EIF3D: variants seen among roughly 807,000 people sequenced by gnomAD.
EIF3D encodes the protein eIF3 p66.
In EIF3D, 10 loss-of-function variants were observed where a neutral mutation model predicts 75.4. The ratio of observed to expected loss-of-function variants is 0.13; its 90% CI spans 0.08 to 0.22. The LOEUF is 0.22. Among genes scored for constraint, EIF3D ranks in the 10% least tolerant of loss-of-function variants. The probability of loss-of-function intolerance (pLI) is 1.00; values close to 1 mark genes in which losing one functional copy is unlikely to be tolerated. For synonymous variants in EIF3D, 246 were observed against 248.3 expected, an observed-to-expected ratio of 0.99 and a Z score of 0.09; for missense variants, 394 against 708.0, an observed-to-expected ratio of 0.56 and a Z score of 5.03.
At chr22:36,526,297 T>C (rs1473727496) in intron 1 of EIF3D, among the ~76,000 whole-genome samples, 166 bp from the exon 2 acceptor site, 1 of 152,240 alleles carries the variant, frequency 6.6e-6, no homozygotes, top group African/African-American at 2.4e-5. Flanking sequence ...TTAATTATAC[T>C]GTGAATATGT....
intron 1 of EIF3D, among the ~76,000 whole-genome samples, chr22:36,526,519 TC>T (rs1216923661): frequency 1.3e-5 from 2 of 152,178 alleles, no homozygotes; most frequent in African/African-American, 4.8e-5. Flanking sequence ...TAATGTTTTT[TC>T]AAATATAGTA....
rs778498772 is a variant in EIF3D, at chr22:36,520,545, A to G, written c.578+31T>C. 6.9e-6 allele frequency: 10 copies of G among 1,456,720 alleles called. No individual in the cohort carries two copies. In the Admixed American group the frequency reaches 1.5e-4, roughly 22 times the overall value. The allele number at this position is 1,456,720 out of a possible 1,614,324, so 90.2% of individuals were successfully genotyped here. The stretch of plus-strand genomic sequence containing the variant: ...CCAGCTGGTCCACACACATAAGAGC[A>G]GTGTAGAAAGTAGTAAAAGATGCTG... On this transcript the variant is annotated intron_variant, in intron 7 of 14. Transcript: ENST00000216190.
Position 36,518,825 on chromosome 22 carries a change from TC to T in EIF3D, c.796del (p.Asp266IlefsTer24). 1 of 1,614,162 alleles carries T rather than the reference TC, an allele frequency of 6.2e-7. No individual in the cohort carries two copies. Among genetic ancestry groups the T allele is most frequent in the Non-Finnish European group, 8.5e-7 (1 of 1,180,040 alleles). ...GGACCCAACTCTCTGGACGACAATA[TC>T]CCAGGAATACACTGAGCGGGTACAG... ...MSCTRSVYSWDIVVQRVGSKL... is the reference protein window; with the variant it reads ...MSCTRSVYSWXIVVQRVGSKL... On this transcript the variant is annotated frameshift_variant, in exon 9 of 15. Coordinates refer to ENST00000216190, the MANE Select transcript of EIF3D (RefSeq NM_003753.4). LOFTEE classifies it high-confidence loss of function.
At chr22:36,521,495 C>T (rs1934511968) in intron 6 of EIF3D, among the ~76,000 whole-genome samples, 1 of 152,192 alleles carries the variant, frequency 6.6e-6, no homozygotes, top group South Asian at 2.1e-4. Flanking sequence ...CACACAAGCA[C>T]ACGCAGGTGA....
Position 36,511,676 on chromosome 22 carries a change from G to A in EIF3D, c.1460C>T (p.Ala487Val). ...ASQINLSVEN[A>V]WGILRCVIDI... ...AATGACGCAGCGTAAAATGCCCCAG[G>A]CATTCTCCACGCTCAGGTTGATCTG... Residue 487 changes from alanine (A) to valine (V), a missense_variant, in exon 14 of 15, where the codon GCC (alanine) becomes GTC (valine). Ala to Val is a moderately conservative substitution (Grantham distance 64, BLOSUM62 0). Transcript: ENST00000216190. 1 of 1,614,110 alleles carries A rather than the reference G, an allele frequency of 6.2e-7. No individual in the cohort carries two copies. The highest frequency in any genetic ancestry group is 2.2e-5 in the East Asian group (1 of 44,870).
chr22:36,523,363 G>A, intron 5 of EIF3D, 82 bp from the exon 6 acceptor site: 1 of 1,108,712 alleles, frequency 9.0e-7, no homozygotes, highest in Non-Finnish European at 1.3e-6. Flanking sequence ...ATTCTCTTCA[G>A]CTAAACCTTA....
At chr22:36,516,959 T>G (rs1934437410) in intron 10 of EIF3D, 169 bp from the exon 11 acceptor site, 3 of 646,434 alleles carry the variant, frequency 4.6e-6, no homozygotes, top group Non-Finnish European at 8.2e-6. Flanking sequence ...CCCTCCCAAC[T>G]GTTAGCACCT....
intron 5 of EIF3D, among the ~76,000 whole-genome samples, 160 bp downstream of exon 5, chr22:36,523,735 C>T (rs1274507312): frequency 6.6e-6 from 1 of 152,230 alleles, no homozygotes; most frequent in Admixed American, 6.5e-5. Context: ...ATGAACCAGC[C>T]TGAGAACGAC....
chr22:36,516,360 G>C lies in EIF3D; in HGVS notation c.1206+118C>G, dbSNP rs1934426533. 2.3e-6 allele frequency: 3 copies of C among 1,278,174 alleles called. No individual in the cohort carries two copies. In the East Asian group the frequency reaches 7.0e-5, roughly 30 times the overall value. 79.2% of individuals were successfully genotyped at this position (1,278,174 alleles called of 1,614,324 possible). ...CAAGACAAAAAAAAACATCCAGGTA[G>C]CTCTATAAGTAACGAAAGGGGATAA... is the stretch of plus-strand genomic sequence containing the variant. On this transcript the variant is annotated intron_variant, in intron 12 of 14. Coordinates refer to ENST00000216190, the MANE Select transcript of EIF3D (RefSeq NM_003753.4).
chr22:36,518,857 C>G lies in EIF3D; in HGVS notation c.765G>C (p.Leu255=). 6.2e-7 allele frequency: 1 copy of G among 1,614,208 alleles called. No homozygotes were observed. Among genetic ancestry groups the G allele is most frequent in the Non-Finnish European group, 8.5e-7 (1 of 1,180,042 alleles). ...VFATDAILAT[L]MSCTRSVYSW... ...AATACACTGAGCGGGTACAGCTCAT[C>G]AGCGTGGCCAGGATGGCATCAGTGG... Residue 255 remains leucine, a synonymous_variant, in exon 9 of 15, where the codon CTG becomes CTC. Transcript: ENST00000216190.
At chr22:36,520,845 A>C (rs1934501601) in intron 6 of EIF3D, among the ~76,000 whole-genome samples, 157 bp from the exon 7 acceptor site, 1 of 152,182 alleles carries the variant, frequency 6.6e-6, no homozygotes, top group South Asian at 2.1e-4. Flanking sequence ...GCTTGAGCCC[A>C]GGAGTTTGAG....
In EIF3D at chr22:36,518,928, G is replaced by A. The variant is rs752524293; in HGVS notation, c.712-18C>T. 1 of 1,613,066 alleles carries A rather than the reference G, an allele frequency of 6.2e-7. No individual in the cohort carries two copies. Among genetic ancestry groups the A allele is most frequent in the Non-Finnish European group, 8.5e-7 (1 of 1,179,246 alleles). Reference sequence around the variant, plus strand: ...TTTGCCAGCTGCAAAGAGGATCAAAGAGAGAAGATGGAAAGACACTCCCAG... The same window carrying A: ...TTTGCCAGCTGCAAAGAGGATCAAAAAGAGAAGATGGAAAGACACTCCCAG... On this transcript the variant is annotated intron_variant, in intron 8 of 14. Coordinates refer to ENST00000216190, the MANE Select transcript of EIF3D (RefSeq NM_003753.4).
At chr22:36,525,737 T>C (rs2145878997) in intron 2 of EIF3D, 28 bp from the exon 3 acceptor site, 3 of 1,606,742 alleles carry the variant, frequency 1.9e-6, no homozygotes, top group Non-Finnish European at 2.5e-6. Flanking sequence ...AGACAGAGAA[T>C]GCACAGGTCA....
rs374272410 is a variant in EIF3D at position 36,511,193 on chromosome 22, T to C, written c.1634-193A>G. 4.8e-6 allele frequency: 4 copies of C among 831,324 alleles called. No individual in the cohort carries two copies. The South Asian group carries it at 7.8e-5, about 16-fold the overall frequency. The allele number at this position is 831,324 out of a possible 1,614,324, so 51.5% of individuals were successfully genotyped here. A position where few individuals can be genotyped will look rare whatever the true frequency, so the allele number is the denominator to read the frequency against. ...GCTGGTGGAGCAGGAGAGACAACTT[T>C]CAGGCTATTTAACCCGGAGCGGAGC... On this transcript the variant is annotated intron_variant, in intron 14 of 14. Coordinates refer to ENST00000216190, the MANE Select transcript of EIF3D (RefSeq NM_003753.4).
At chr22:36,526,613 C>CTTTTTT (rs542035473) in intron 1 of EIF3D, among the ~76,000 whole-genome samples, 6,060 of 145,622 alleles carry the variant, frequency 0.042, 146 homozygotes, top group Middle Eastern at 0.11. Context: ...TTCTTTCTTT[C>CTTTTTT]TTTTTTTTTT....
intron 12 of EIF3D, among the ~76,000 whole-genome samples, chr22:36,514,074 T>C (rs943648852): frequency 6.9e-6 from 1 of 144,458 alleles, no homozygotes; most frequent in African/African-American, 2.9e-5. Context: ...AGCCTTCTAT[T>C]TTGCTAACAG....
At chr22:36,526,177 A>G in intron 1 of EIF3D, 46 bp from the exon 2 acceptor site, 1 of 1,535,024 alleles carries the variant, frequency 6.5e-7, no homozygotes. Flanking sequence ...CGAAGGCCTC[A>G]GAGTACAAAA....
rs756190316 is a variant in EIF3D at position 36,524,640 on chromosome 22, T to G, written c.262A>C (p.Thr88Pro). The change falls in exon 4 of 15, where the codon ACA becomes CCA. Residue 88 changes from threonine (T) to proline (P), a missense_variant. Thr to Pro is a conservative substitution (Grantham distance 38, BLOSUM62 -1). Coordinates refer to ENST00000216190, the MANE Select transcript of EIF3D (RefSeq NM_003753.4). ...SSFQLVDTAR[T>P]QKTAYQRNRM... Reference sequence around the variant, plus strand: ...TTCCGCTGGTAGGCCGTCTTCTGTGTGCGCGCTGTATCCACCAGCTGGAAG... The same window carrying G: ...TTCCGCTGGTAGGCCGTCTTCTGTGGGCGCGCTGTATCCACCAGCTGGAAG... The G allele has an allele frequency of 2.5e-6, 4 of 1,614,226 alleles. No homozygotes were observed. The East Asian group carries it at 8.9e-5, about 36-fold the overall frequency.
At chr22:36,523,481 T>C (rs1195323937) in intron 5 of EIF3D, among the ~76,000 whole-genome samples, 200 bp from the exon 6 acceptor site, 1 of 152,202 alleles carries the variant, frequency 6.6e-6, no homozygotes, top group African/African-American at 2.4e-5. Flanking sequence ...CTCCAAATAC[T>C]GACCAGATGA....
Sources: allele counts gnomAD v4.1 joint callset (sites outside exome capture counted in the v4.1 genomes callset), GRCh38; gene constraint gnomAD v4.1.1; transcripts MANE v1.5; gene names NCBI Gene and HGNC (gene_info 2026-07-23, HGNC 2026-07-21).